Variants in ZNF536 observed in about 807,000 individuals in gnomAD.
ZNF536 encodes zinc finger protein 536.
ZNF536 carries 13 observed loss-of-function variants against 84.5 expected under a neutral mutation model. The observed-to-expected ratio is 0.15, with a 90% CI of 0.10 to 0.24. ZNF536 has a LOEUF of 0.24. ZNF536 is among the 10% of genes least tolerant of loss of function. The pLI, the probability that ZNF536 is intolerant of heterozygous loss-of-function variation, is 1.00. For missense variants in ZNF536, 1,536 were observed against 1,747.5 expected (o/e 0.88, Z 2.16); for synonymous variants, 811 against 742.5 (o/e 1.09, Z -1.50).
intron 1 of ZNF536, among the ~76,000 whole-genome samples, chr19:30,583,051 C>T (rs1386641941): frequency 6.6e-6 from 1 of 152,160 alleles, no homozygotes; most frequent in Non-Finnish European, 1.5e-5. Context: ...GCATGAGACA[C>T]CTGTCTGGCC....
intron 1 of ZNF536, among the ~76,000 whole-genome samples, chr19:30,647,062 C>T (rs2049501953): frequency 6.6e-6 from 1 of 152,194 alleles, no homozygotes; most frequent in Non-Finnish European, 1.5e-5. Flanking sequence ...TGCACAAAAG[C>T]TTTCTTAAAG....
chr19:30,335,417 C>G (rs942781172), intron 2 of ZNF536, among the ~76,000 whole-genome samples: 14 of 152,200 alleles, frequency 9.2e-5, no homozygotes, highest in Admixed American at 8.5e-4. Flanking sequence ...CCCATCCTGT[C>G]TCACGAGCAT....
chr19:30,459,740 T>C (rs1313732702), intron 2 of ZNF536, among the ~76,000 whole-genome samples: 7 of 152,140 alleles, frequency 4.6e-5, no homozygotes, highest in Admixed American at 3.9e-4. Flanking sequence ...TCTATATCCC[T>C]AGTGCGATGT....
intron 1 of ZNF536, among the ~76,000 whole-genome samples, chr19:30,245,178 T>G (rs1363930212): frequency 6.6e-6 from 1 of 152,210 alleles, no homozygotes; most frequent in Non-Finnish European, 1.5e-5. Context: ...ACCTTTTACC[T>G]GGCTGCCCCA....
chr19:30,232,856 C>T (rs2023175479), intron 1 of ZNF536, among the ~76,000 whole-genome samples: 1 of 152,186 alleles, frequency 6.6e-6, no homozygotes, highest in South Asian at 2.1e-4. Flanking sequence ...CCACTAGATG[C>T]CAGTAGCACC....
rs112949035 is a variant in ZNF536 at position 30,399,978 on chromosome 19, G to A, written c.-3+27422G>A. Among the ~76,000 whole-genome samples the A allele has an allele frequency of 5.6e-3, 852 of 152,246 alleles. 10 individuals carry two copies. The highest frequency in any genetic ancestry group is 0.019 in the African/African-American group (795 of 41,556). ...GCTGGGATTACAGGCGTGAGCCACC[G>A]CACCCAGCCTTGGCATTGGCTTTTT... On this transcript the variant is annotated intron_variant, in intron 1 of 4. Coordinates refer to ENST00000355537, the MANE Select transcript of ZNF536 (RefSeq NM_014717.3).
chr19:30,523,493 C>A (rs964456831), intron 2 of ZNF536, among the ~76,000 whole-genome samples: 4 of 152,128 alleles, frequency 2.6e-5, no homozygotes, highest in African/African-American at 9.7e-5. Context: ...TTTTGGACTG[C>A]AAACCTCTCC....
At chr19:30,683,942 A>ATGCCT (rs2147847481) in intron 1 of ZNF536, among the ~76,000 whole-genome samples, 1 of 152,338 alleles carries the variant, frequency 6.6e-6, no homozygotes, top group African/African-American at 2.4e-5. Context: ...TTAAGAATTC[A>ATGCCT]TGCCTTTAGT....
chr19:30,658,551 A>ACG (rs1008797673), intron 1 of ZNF536, among the ~76,000 whole-genome samples: 2 of 152,090 alleles, frequency 1.3e-5, no homozygotes, highest in African/African-American at 4.8e-5. Context: ...ACACACACAC[A>ACG]CACACACACG....
intron 1 of ZNF536, among the ~76,000 whole-genome samples, chr19:30,375,908 G>A (rs2147097820): frequency 6.6e-6 from 1 of 151,938 alleles, no homozygotes; most frequent in South Asian, 2.1e-4. Context: ...ACGTGTAGAT[G>A]TGCATTAGTG....
At chr19:30,258,030 C>T (rs1421199261) in intron 1 of ZNF536, among the ~76,000 whole-genome samples, 2 of 152,196 alleles carry the variant, frequency 1.3e-5, no homozygotes, top group African/African-American at 2.4e-5. Flanking sequence ...CTAGTGTCTC[C>T]TCTTTGGTCC....
intron 1 of ZNF536, among the ~76,000 whole-genome samples, chr19:30,384,141 T>C (rs1368214200): frequency 8.5e-6 from 1 of 117,220 alleles, no homozygotes; most frequent in Admixed American, 9.3e-5. Context: ...TCTTTCTTTC[T>C]TTCTTTCTTT....
At chr19:30,701,499 A>G (rs1440831956) in intron 1 of ZNF536, among the ~76,000 whole-genome samples, 10 of 150,724 alleles carry the variant, frequency 6.6e-5, no homozygotes, top group Non-Finnish European at 1.2e-4. Flanking sequence ...ACACACACAG[A>G]CACAAAAACT....
chr19:30,507,981 G>C (rs1193733570), intron 2 of ZNF536, among the ~76,000 whole-genome samples: 17 of 152,148 alleles, frequency 1.1e-4, no homozygotes, highest in Non-Finnish European at 5.9e-5. Flanking sequence ...CAGGATCCTT[G>C]CCTGTTTAAC....
intron 1 of ZNF536, among the ~76,000 whole-genome samples, chr19:30,659,952 G>GGT (rs5827727): frequency 0.15 from 15,440 of 101,182 alleles, 851 homozygotes; most frequent in Admixed American, 0.2. Flanking sequence ...TTGACACAAG[G>GGT]GTGTGTGTGT....
At chr19:30,302,848 G>A (rs1275848420) in intron 2 of ZNF536, among the ~76,000 whole-genome samples, 1 of 152,218 alleles carries the variant, frequency 6.6e-6, no homozygotes, top group East Asian at 1.9e-4. Flanking sequence ...CAGACGCAGT[G>A]CACCAGATTT....
chr19:30,616,360 A>C (rs1342645225), intron 1 of ZNF536, among the ~76,000 whole-genome samples: 3 of 152,198 alleles, frequency 2.0e-5, no homozygotes, highest in Non-Finnish European at 4.4e-5. Context: ...ATTTGTTTTA[A>C]TCAGGGATTT....
At chr19:30,335,656 C>T (rs1314174218) in intron 2 of ZNF536, among the ~76,000 whole-genome samples, 1 of 152,218 alleles carries the variant, frequency 6.6e-6, no homozygotes, top group Non-Finnish European at 1.5e-5. Flanking sequence ...CCCTTCTCTT[C>T]TCAGCCAACC....
chr19:30,271,221 C>A (rs1352727567), intron 1 of ZNF536, among the ~76,000 whole-genome samples: 1 of 151,458 alleles, frequency 6.6e-6, no homozygotes, highest in Admixed American at 6.6e-5. Flanking sequence ...TTTCTGTGCC[C>A]TGTGTTTGCA....
Sources: allele counts gnomAD v4.1 joint callset (sites outside exome capture counted in the v4.1 genomes callset), GRCh38; gene constraint gnomAD v4.1.1; transcripts MANE v1.5; gene names NCBI Gene and HGNC (gene_info 2026-07-23, HGNC 2026-07-21).